Variants in TTLL6 observed in about 807,000 individuals in gnomAD.
TTLL6 encodes tubulin tyrosine ligase like 6.
Under a neutral mutation model 96.4 loss-of-function variants are expected in TTLL6, and 75 were observed. The ratio of observed to expected loss-of-function variants is 0.78; its 90% CI spans 0.65 to 0.94. TTLL6 has a LOEUF of 0.94. TTLL6 is among the 40% of genes least tolerant of loss of function. TTLL6 has a pLI of 0.00. For missense variants in TTLL6, 1,030 were observed against 1,093.0 expected (o/e 0.94, Z 0.81); for synonymous variants, 411 against 419.4 (o/e 0.98, Z 0.24).
At chr17:48,767,561 G>A (rs1398422196) in intron 15 of TTLL6, among the ~76,000 whole-genome samples, 1 of 152,166 alleles carries the variant, frequency 6.6e-6, no homozygotes, top group African/African-American at 2.4e-5. Flanking sequence ...CCTGCAGTGT[G>A]AGCTACTGGT....
chr17:48,783,045 C>T (rs554624345), intron 13 of TTLL6, among the ~76,000 whole-genome samples: 3 of 152,168 alleles, frequency 2.0e-5, no homozygotes, highest in South Asian at 4.1e-4. Context: ...ATAGAACAGA[C>T]AGAATAGCAC....
intron 13 of TTLL6, among the ~76,000 whole-genome samples, chr17:48,781,261 G>A (rs1433778123): frequency 6.6e-6 from 1 of 152,042 alleles, no homozygotes; most frequent in Admixed American, 6.6e-5. Context: ...TGGCCAGGCT[G>A]GTCTTGAACT....
intron 13 of TTLL6, among the ~76,000 whole-genome samples, chr17:48,772,819 A>G (rs900671133): frequency 6.6e-6 from 1 of 152,088 alleles, no homozygotes; most frequent in African/African-American, 2.4e-5. Context: ...ATAAAAAAGA[A>G]CACTAGCCTG....
intron 13 of TTLL6, among the ~76,000 whole-genome samples, chr17:48,774,110 A>C (rs565966714): frequency 1.9e-4 from 28 of 149,598 alleles, no homozygotes; most frequent in Non-Finnish European, 3.3e-4. Context: ...AAAAAAAAAA[A>C]AACAAGAAAA....
Position 48,784,934 on chromosome 17 carries a change from T to A in TTLL6, c.2029A>T (p.Thr677Ser). The part of the protein sequence containing the change: ...AKSASAVNVF[T>S]GTVHLTSVET... ...GGCTCACTACTTACCACAGTGCCAG[T>A]GAATACGTTCACTGCAGAGGCAGAC... The change falls in exon 13 of 16, where the codon ACT (threonine) becomes TCT (serine). Residue 677 changes from threonine to serine, a missense_variant. Transcript: ENST00000393382. The A allele has an allele frequency of 6.2e-7, 1 of 1,613,922 alleles. No individual in the cohort carries two copies. The highest frequency in any genetic ancestry group is 8.5e-7 in the Non-Finnish European group (1 of 1,179,978).
At chr17:48,795,848 A>G (rs1394388473) in intron 8 of TTLL6, among the ~76,000 whole-genome samples, 2 of 152,154 alleles carry the variant, frequency 1.3e-5, no homozygotes, top group African/African-American at 4.8e-5. Context: ...CCAGCCTCCC[A>G]GGGTTTACGA....
At chr17:48,772,927 C>T (rs2038777420) in intron 13 of TTLL6, among the ~76,000 whole-genome samples, 1 of 146,746 alleles carries the variant, frequency 6.8e-6, no homozygotes, top group South Asian at 2.1e-4. Context: ...TTGCTTGAGC[C>T]CAGAAGGTTG....
chr17:48,804,040 C>G, intron 2 of TTLL6, 112 bp from the exon 3 acceptor site: 1 of 1,250,720 alleles, frequency 8.0e-7, no homozygotes, highest in Non-Finnish European at 1.1e-6. Context: ...ATCTAGCCTG[C>G]CATGCTAAGC....
chr17:48,772,604 GCC>G (rs2038770178), intron 13 of TTLL6, among the ~76,000 whole-genome samples: 1 of 151,586 alleles, frequency 6.6e-6, no homozygotes, highest in Non-Finnish European at 1.5e-5. Context: ...GGTGGCACGC[GCC>G]TGTAGTCCCA....
Position 48,762,295 on chromosome 17 carries a change from T to TG in TTLL6, c.*678dup. On this transcript the variant is annotated 3_prime_UTR_variant, in exon 16 of 16. Transcript: ENST00000393382. The stretch of plus-strand genomic sequence containing the variant: ...GCCTGAAGGGAAAGTGTAACATTTC[T>TG]GCAGGCTGATAGAAGAAGCATCTTC... The TG allele has an allele frequency of 6.6e-6, 1 of 152,326 alleles. No homozygotes were observed. Among genetic ancestry groups the TG allele is most frequent in the Non-Finnish European group, 1.5e-5 (1 of 68,038 alleles). 9.4% of individuals were successfully genotyped at this position (152,326 alleles called of 1,614,324 possible). A position where few individuals can be genotyped will look rare whatever the true frequency, so the allele number is the denominator to read the frequency against.
At chr17:48,779,081 A>G (rs1455291591) in intron 13 of TTLL6, among the ~76,000 whole-genome samples, 1 of 152,060 alleles carries the variant, frequency 6.6e-6, no homozygotes, top group East Asian at 1.9e-4. Flanking sequence ...AACCTGGGTG[A>G]CAGAGTGAGG....
At chr17:48,777,640 AG>A (rs2038901459) in intron 13 of TTLL6, among the ~76,000 whole-genome samples, 1 of 152,082 alleles carries the variant, frequency 6.6e-6, no homozygotes, top group Non-Finnish European at 1.5e-5. Flanking sequence ...CTGAGGCAGG[AG>A]AATCACTTGA....
At chr17:48,768,004 C>G (rs1270887458) in intron 15 of TTLL6, among the ~76,000 whole-genome samples, 2 of 152,178 alleles carry the variant, frequency 1.3e-5, no homozygotes, top group Admixed American at 6.5e-5. Context: ...CCATATATGA[C>G]TATCTCAATT....
In TTLL6 at chr17:48,769,261, A is replaced by G. The variant is rs1421076628; in HGVS notation, c.2411-7T>C. On this transcript the variant is annotated splice_region_variant and splice_polypyrimidine_tract_variant and intron_variant, in intron 14 of 15. Coordinates refer to ENST00000393382, the MANE Select transcript of TTLL6 (RefSeq NM_001130918.3). ...CCAGGCAGGGAGGGGTTTTCTGGAA[A>G]GGCAAAGTCAGAAGCATCAGCGATT... 6.3e-7 allele frequency: 1 copy of G among 1,589,148 alleles called. No homozygotes were observed. The highest frequency in any genetic ancestry group is 1.7e-5 in the Admixed American group (1 of 57,962).
intron 13 of TTLL6, among the ~76,000 whole-genome samples, chr17:48,778,946 G>T (rs1304442339): frequency 2.1e-5 from 3 of 140,218 alleles, no homozygotes; most frequent in African/African-American, 7.8e-5. Context: ...AAAAAAAAAA[G>T]ATTAGCCAGG....
At chr17:48,801,425 T>C (rs543009373) in intron 4 of TTLL6, 40 bp from the exon 5 acceptor site, 15 of 1,551,270 alleles carry the variant, frequency 9.7e-6, no homozygotes, top group Non-Finnish European at 1.3e-5. Context: ...TCGAGGGACA[T>C]GGGAGTACTA....
At chr17:48,806,440 A>G (rs1229135095) in intron 1 of TTLL6, among the ~76,000 whole-genome samples, 1 of 152,078 alleles carries the variant, frequency 6.6e-6, no homozygotes, top group Non-Finnish European at 1.5e-5. Flanking sequence ...ATGACCACAG[A>G]GCCAATTTTC....
chr17:48,798,325 T>C (rs1343475089), intron 6 of TTLL6, among the ~76,000 whole-genome samples: 1 of 152,014 alleles, frequency 6.6e-6, no homozygotes, highest in Non-Finnish European at 1.5e-5. Flanking sequence ...CCAGCACTTT[T>C]GGAGGCCAAG....
chr17:48,781,860 A>G (rs1035227967), intron 13 of TTLL6, among the ~76,000 whole-genome samples: 1 of 152,154 alleles, frequency 6.6e-6, no homozygotes, highest in African/African-American at 2.4e-5. Context: ...TCAGAGAGTT[A>G]ACTAGCTCCT....
Sources: gnomAD v4.1 joint callset for allele counts (sites outside exome capture counted in the v4.1 genomes callset) on GRCh38, gnomAD v4.1.1 for gene constraint, MANE v1.5 for transcripts, NCBI Gene and HGNC (gene_info 2026-07-23, HGNC 2026-07-21) for gene names.